Variants in MYLK4 observed in about 807,000 individuals in gnomAD.
MYLK4 encodes the protein myosin light chain kinase family member 4, also known as caMLCK like.
MYLK4 carries 46 observed loss-of-function variants against 48.1 expected under a neutral mutation model. The ratio of observed to expected loss-of-function variants is 0.96; its 90% CI spans 0.75 to 1.22. MYLK4 has a LOEUF of 1.22. Ranked by LOEUF, MYLK4 falls within the 50% of genes most tolerant of loss-of-function variation. MYLK4 has a pLI of 0.00. For synonymous variants in MYLK4, 170 were observed against 180.8 expected (o/e 0.94, Z 0.48); for missense variants, 451 against 486.1 (o/e 0.93, Z 0.68).
rs553185735 is a variant in MYLK4 at position 2,667,170 on chromosome 6, T to A, written c.*755A>T. The stretch of plus-strand genomic sequence containing the variant: ...AAACAGATACTTTTTGCATCACCTC[T>A]CAAAACCAATGTGTTTTGTGGGGAT... On this transcript the variant is annotated 3_prime_UTR_variant, in exon 13 of 13. Transcript: ENST00000274643. 1 of 152,172 alleles carries A rather than the reference T, an allele frequency of 6.6e-6. No individual in the cohort carries two copies. Among genetic ancestry groups the A allele is most frequent in the African/African-American group, 2.4e-5 (1 of 41,426 alleles). The allele number at this position is 152,172 out of a possible 1,614,324, so 9.4% of individuals were successfully genotyped here.
chr6:2,670,549 T>G (rs1468563835), intron 12 of MYLK4, among the ~76,000 whole-genome samples: 3 of 152,200 alleles, frequency 2.0e-5, no homozygotes, highest in Admixed American at 6.5e-5. Flanking sequence ...TGGGTTTTCT[T>G]AGAGTCCTTC....
At chr6:2,753,998 C>CAA (rs199757208), upstream of MYLK4, among the ~76,000 whole-genome samples, 117 of 105,114 alleles carry the variant, frequency 1.1e-3, 1 homozygote, top group African/African-American at 4.1e-3. Flanking sequence ...CCATCTCTAC[C>CAA]AAAAAAAAAA....
chr6:2,688,036 T>C (rs1761623813), intron 4 of MYLK4, among the ~76,000 whole-genome samples: 1 of 151,568 alleles, frequency 6.6e-6, no homozygotes, highest in South Asian at 2.1e-4. Flanking sequence ...ACTTTAATTT[T>C]CCTTCTGGTT....
In MYLK4 at chr6:2,729,440, C is replaced by T. The variant is rs531130397; in HGVS notation, c.159+19696G>A. ...AAAGGAGCTCGCACCTCTCCAGATA[C>T]GCAACAAATAACTTTGGTTTGTGTA... On this transcript the variant is annotated intron_variant, in intron 2 of 12. Coordinates refer to ENST00000274643, the MANE Select transcript of MYLK4 (RefSeq NM_001012418.5). Among the ~76,000 whole-genome samples the T allele has an allele frequency of 7.2e-5, 11 of 152,326 alleles. No individual in the cohort carries two copies. In the South Asian group the frequency reaches 1.5e-3, roughly 20 times the overall value.
upstream of MYLK4, among the ~76,000 whole-genome samples, chr6:2,753,336 G>A (rs141694251): frequency 1.7e-3 from 257 of 152,214 alleles, 1 homozygote; most frequent in African/African-American, 6.0e-3. Flanking sequence ...TCTACACAGC[G>A]TTCTGAATGT....
At chr6:2,698,317 C>G (rs958582165) in intron 2 of MYLK4, among the ~76,000 whole-genome samples, 1 of 152,208 alleles carries the variant, frequency 6.6e-6, no homozygotes, top group Non-Finnish European at 1.5e-5. Flanking sequence ...TCTTTTCAAA[C>G]CTCCTCAGCT....
intron 2 of MYLK4, among the ~76,000 whole-genome samples, chr6:2,742,846 T>C (rs1763946263): frequency 6.6e-6 from 1 of 151,932 alleles, no homozygotes; most frequent in Non-Finnish European, 1.5e-5. Flanking sequence ...TGTGCACATG[T>C]ACCCTAAAAC....
At chr6:2,697,747 A>G (rs1220515503) in intron 2 of MYLK4, among the ~76,000 whole-genome samples, 1 of 152,248 alleles carries the variant, frequency 6.6e-6, no homozygotes, top group Non-Finnish European at 1.5e-5. Flanking sequence ...CTGGACCTCA[A>G]CAATGCCACC....
In MYLK4 at chr6:2,697,094, T is replaced by C. The variant is rs549448060; in HGVS notation, c.160-4235A>G. 2.0e-5 allele frequency among the ~76,000 whole-genome samples: 3 copies of C among 152,274 alleles called. No homozygotes were observed. In the East Asian group the frequency reaches 5.8e-4, roughly 29 times the overall value. On this transcript the variant is annotated intron_variant, in intron 2 of 12. Coordinates refer to ENST00000274643, the MANE Select transcript of MYLK4 (RefSeq NM_001012418.5). ...TAAAATGAAATAAAATAAAATAAAA[T>C]GCATGTAGTGGTTATCAATGTATAT...
chr6:2,678,837 G>T (rs1357223667), intron 9 of MYLK4, among the ~76,000 whole-genome samples: 1 of 151,682 alleles, frequency 6.6e-6, no homozygotes, highest in Non-Finnish European at 1.5e-5. Flanking sequence ...CCGAGTAGCT[G>T]GGATTACAGG....
At chr6:2,699,217 C>T (rs545335451) in intron 2 of MYLK4, among the ~76,000 whole-genome samples, 35 of 147,660 alleles carry the variant, frequency 2.4e-4, no homozygotes, top group Non-Finnish European at 4.6e-4. Flanking sequence ...GATAATTTTA[C>T]TTTATTTTAT....
chr6:2,671,450 G>C, intron 11 of MYLK4, 102 bp from the exon 12 acceptor site: 1 of 1,110,934 alleles, frequency 9.0e-7, no homozygotes, highest in Non-Finnish European at 1.3e-6. Context: ...CTGAGGAGAA[G>C]GTGCTCTTCA....
intron 2 of MYLK4, among the ~76,000 whole-genome samples, chr6:2,746,817 C>T (rs1322260179): frequency 6.6e-6 from 1 of 152,172 alleles, no homozygotes; most frequent in African/African-American, 2.4e-5. Context: ...AAGATGAAGA[C>T]GTGTTAATCT....
At chr6:2,690,032 G>A (rs2113159109) in intron 3 of MYLK4, among the ~76,000 whole-genome samples, 1 of 152,236 alleles carries the variant, frequency 6.6e-6, no homozygotes, top group Non-Finnish European at 1.5e-5. Flanking sequence ...AAGCGGCATC[G>A]AAATGGCATT....
intron 2 of MYLK4, among the ~76,000 whole-genome samples, chr6:2,710,183 T>C (rs1762624135): frequency 6.6e-6 from 1 of 152,092 alleles, no homozygotes; most frequent in South Asian, 2.1e-4. Context: ...CTGCTTCCGG[T>C]TTTCAATGAT....
chr6:2,716,594 G>C (rs111409523), intron 2 of MYLK4, among the ~76,000 whole-genome samples: 544 of 152,330 alleles, frequency 3.6e-3, no homozygotes, highest in African/African-American at 0.012. Flanking sequence ...GCTATGCTCA[G>C]AGGAGTAAGA....
intron 2 of MYLK4, among the ~76,000 whole-genome samples, chr6:2,726,715 C>A (rs12660198): frequency 0.037 from 5,579 of 150,286 alleles, 252 homozygotes; most frequent in East Asian, 0.27. Flanking sequence ...CGGCTTCCAG[C>A]AATTCTCCTG....
chr6:2,689,979 A>AT (rs34892943), intron 3 of MYLK4, among the ~76,000 whole-genome samples: 41,610 of 152,152 alleles, frequency 0.27, 6,373 homozygotes, highest in East Asian at 0.48. Flanking sequence ...AAGCATCTTG[A>AT]TAACATTCAC....
chr6:2,689,737 C>T (rs923541907), intron 3 of MYLK4, among the ~76,000 whole-genome samples: 4 of 152,210 alleles, frequency 2.6e-5, no homozygotes, highest in South Asian at 2.1e-4. Context: ...TACTAAGCAG[C>T]GACTGCATGC....
Sources: gnomAD v4.1 joint callset for allele counts (sites outside exome capture counted in the v4.1 genomes callset) on GRCh38, gnomAD v4.1.1 for gene constraint, MANE v1.5 for transcripts, NCBI Gene and HGNC (gene_info 2026-07-23, HGNC 2026-07-21) for gene names.